Variants in RCOR1 observed in about 807,000 individuals in gnomAD.
The protein encoded by RCOR1 is REST corepressor 1.
RCOR1 carries 12 observed loss-of-function variants against 64.0 expected under a neutral mutation model. The ratio of observed to expected loss-of-function variants is 0.19; its 90% CI spans 0.12 to 0.30. The LOEUF (loss-of-function observed/expected upper bound fraction) is 0.30. Ranked by LOEUF, RCOR1 falls within the 10% of genes least tolerant of loss-of-function variation. The pLI is 1.00. For missense variants in RCOR1, 502 were observed against 621.2 expected (o/e 0.81, Z 2.04); for synonymous variants, 279 against 227.2 (o/e 1.23, Z -2.05).
intron 2 of RCOR1, among the ~76,000 whole-genome samples, chr14:102,602,331 A>T (rs1203249451): frequency 6.6e-6 from 1 of 151,408 alleles, no homozygotes; most frequent in Non-Finnish European, 1.5e-5. Context: ...TTAGGTTATT[A>T]ATTTTTTTTA....
At chr14:102,662,143 C>T (rs1894837584) in intron 2 of RCOR1, 3 of 367,248 alleles carry the variant, frequency 8.2e-6, no homozygotes, top group Non-Finnish European at 1.6e-5. Context: ...ATGGTTTTCC[C>T]AAGTCATTAA....
chr14:102,609,699 G>A (rs140737344), intron 2 of RCOR1, among the ~76,000 whole-genome samples: 16 of 151,354 alleles, frequency 1.1e-4, no homozygotes, highest in African/African-American at 3.6e-4. Flanking sequence ...TGCCTGTCTC[G>A]GCCTCCCAAA....
chr14:102,620,251 ACC>A (rs975179645), intron 2 of RCOR1, among the ~76,000 whole-genome samples: 2 of 143,412 alleles, frequency 1.4e-5, no homozygotes, highest in African/African-American at 2.6e-5. Context: ...ACACACACAC[ACC>A]CCCCCACACC....
chr14:102,611,309 T>A (rs1893629069), intron 2 of RCOR1, among the ~76,000 whole-genome samples: 1 of 151,862 alleles, frequency 6.6e-6, no homozygotes, highest in African/African-American at 2.4e-5. Flanking sequence ...CCTCTGGTGA[T>A]CCTCCCACTT....
At chr14:102,715,606 C>A (rs1344340654) in intron 8 of RCOR1, among the ~76,000 whole-genome samples, 2 of 151,582 alleles carry the variant, frequency 1.3e-5, no homozygotes, top group Admixed American at 6.6e-5. Context: ...TGGTCTTGAA[C>A]TCCTGAGCTC....
chr14:102,724,352 TCTCC>T (rs1350340004), intron 11 of RCOR1, among the ~76,000 whole-genome samples: 1 of 151,638 alleles, frequency 6.6e-6, no homozygotes, highest in East Asian at 1.9e-4. Flanking sequence ...TGAGACAGAG[TCTCC>T]CTCTGTCACC....
intron 2 of RCOR1, among the ~76,000 whole-genome samples, chr14:102,653,171 C>T (rs905544996): frequency 6.6e-6 from 1 of 152,092 alleles, no homozygotes; most frequent in Non-Finnish European, 1.5e-5. Context: ...ATCTTCCTGC[C>T]TCGGCCTCCC....
At chr14:102,655,568 A>G (rs371883970) in intron 2 of RCOR1, 2 of 838,532 alleles carry the variant, frequency 2.4e-6, no homozygotes. Flanking sequence ...ATATTTGTGA[A>G]AGTGTCTGGC....
In RCOR1 at chr14:102,599,802, TG is replaced by T. The variant is rs1490532701; in HGVS notation, c.361+6478del. Among the ~76,000 whole-genome samples the T allele has an allele frequency of 3.5e-3, 382 of 108,700 alleles. 1 individual carries two copies. The highest frequency in any genetic ancestry group is 0.011 in the African/African-American group (336 of 31,952). 71.3% of individuals were successfully genotyped at this position (108,700 alleles called of 152,430 possible). On this transcript the variant is annotated intron_variant, in intron 2 of 11. Transcript: ENST00000262241. ...TGGTGAATGCTTTGTGGTTTTGTTT[TG>T]TTTTGTTTTTTTTTTTTGAAACAAG... is the stretch of plus-strand genomic sequence containing the variant.
At chr14:102,643,771 G>C (rs1463439255) in intron 2 of RCOR1, among the ~76,000 whole-genome samples, 5 of 152,176 alleles carry the variant, frequency 3.3e-5, no homozygotes, top group African/African-American at 1.2e-4. Context: ...AGGACGGGTG[G>C]AAACTATCTG....
At chr14:102,668,913 G>T (rs1194416590) in intron 2 of RCOR1, among the ~76,000 whole-genome samples, 1 of 152,078 alleles carries the variant, frequency 6.6e-6, no homozygotes, top group African/African-American at 2.4e-5. Context: ...GTTTATTGTA[G>T]ATTTTAATTC....
Position 102,721,370 on chromosome 14 carries a change from C to T in RCOR1, c.1182C>T (p.Ala394=), listed in dbSNP as rs1896165125. ...ARWTTEEQLL[A]VQAIRKYGRD... Reference sequence around the variant, plus strand: ...GGACTACAGAAGAGCAGCTTCTCGCCGTACAAGGTAGGGGGAAGTTCTTCT... The same window carrying T: ...GGACTACAGAAGAGCAGCTTCTCGCTGTACAAGGTAGGGGGAAGTTCTTCT... The change falls in exon 10 of 12, where the codon GCC becomes GCT. Residue 394 remains alanine (A), a synonymous_variant. Coordinates refer to ENST00000262241, the MANE Select transcript of RCOR1 (RefSeq NM_015156.4). 4 of 1,612,904 alleles carry T rather than the reference C, an allele frequency of 2.5e-6. No homozygotes were observed. The highest frequency in any genetic ancestry group is 3.4e-6 in the Non-Finnish European group (4 of 1,179,036).
chr14:102,605,054 CAAT>C (rs1287912224), intron 2 of RCOR1, among the ~76,000 whole-genome samples: 21 of 108,772 alleles, frequency 1.9e-4, no homozygotes, highest in Non-Finnish European at 2.9e-4. Flanking sequence ...GGTGACAGAG[CAAT>C]ATTCCATCTC....
chr14:102,719,730 C>CT (rs1417283447), intron 8 of RCOR1, among the ~76,000 whole-genome samples: 2 of 152,212 alleles, frequency 1.3e-5, no homozygotes, highest in Non-Finnish European at 2.9e-5. Context: ...CATTTACTCT[C>CT]TCTGCTTCTT....
intron 2 of RCOR1, among the ~76,000 whole-genome samples, chr14:102,676,615 G>A (rs1188664380): frequency 1.2e-4 from 11 of 89,904 alleles, no homozygotes; most frequent in Admixed American, 1.9e-4. Context: ...CGGACGGGGC[G>A]GCTGGCCAGG....
At chr14:102,626,070 C>T (rs894007427) in intron 2 of RCOR1, among the ~76,000 whole-genome samples, 5 of 152,208 alleles carry the variant, frequency 3.3e-5, no homozygotes, top group African/African-American at 9.6e-5. Flanking sequence ...CCTGATCTTT[C>T]CAGCTGATGC....
intron 2 of RCOR1, among the ~76,000 whole-genome samples, chr14:102,670,299 T>C (rs777021515): frequency 1.3e-5 from 2 of 152,174 alleles, no homozygotes; most frequent in African/African-American, 2.4e-5. Context: ...TTTTGAGTCC[T>C]ACTGATGAGT....
At chr14:102,666,139 T>TA (rs1311024695) in intron 2 of RCOR1, among the ~76,000 whole-genome samples, 6 of 152,028 alleles carry the variant, frequency 3.9e-5, no homozygotes, top group African/African-American at 1.2e-4. Context: ...TGGGAAAAGA[T>TA]AAAGAGAAGG....
At chr14:102,694,664 G>T (rs1895608977) in intron 3 of RCOR1, among the ~76,000 whole-genome samples, 1 of 152,280 alleles carries the variant, frequency 6.6e-6, no homozygotes, top group African/African-American at 2.4e-5. Context: ...CTCTGGCTTG[G>T]CTTCCTGTGC....
Sources: gnomAD v4.1 joint callset for allele counts (sites outside exome capture counted in the v4.1 genomes callset) on GRCh38, gnomAD v4.1.1 for gene constraint, MANE v1.5 for transcripts, NCBI Gene and HGNC (gene_info 2026-07-23, HGNC 2026-07-21) for gene names.